The following RAB7A variants were observed in gnomAD, a reference collection of about 807,000 sequenced individuals.
The protein encoded by RAB7A is RAB7A, member RAS oncogene family, also known as ras-related protein Rab-7a.
Under a neutral mutation model 24.5 loss-of-function variants are expected in RAB7A, and 2 were observed. The observed-to-expected ratio is 0.08, with a 90% CI of 0.03 to 0.26. The LOEUF (loss-of-function observed/expected upper bound fraction) is 0.26, where lower values mean the gene tolerates loss of function less well. Ranked by LOEUF, RAB7A falls within the 10% of genes least tolerant of loss-of-function variation. The pLI is 1.00. For synonymous variants in RAB7A, 100 were observed against 95.9 expected (o/e 1.04, Z -0.25); for missense variants, 118 against 255.7 (o/e 0.46, Z 3.67).
intron 1 of RAB7A, among the ~76,000 whole-genome samples, chr3:128,790,732 A>G (rs890920057): frequency 6.6e-5 from 10 of 152,160 alleles, no homozygotes; most frequent in Admixed American, 6.5e-4. Flanking sequence ...CTATTCCAGC[A>G]CCCCACTGTT....
At chr3:128,809,136 ACTGT>A (rs772922469) in intron 5 of RAB7A, among the ~76,000 whole-genome samples, 2 of 152,344 alleles carry the variant, frequency 1.3e-5, no homozygotes, top group Non-Finnish European at 2.9e-5. Flanking sequence ...GCCTGGCATC[ACTGT>A]CTGAGTTTTT....
intron 1 of RAB7A, among the ~76,000 whole-genome samples, chr3:128,776,989 C>CG (rs1559790084): frequency 2.0e-5 from 3 of 148,458 alleles, no homozygotes; most frequent in Non-Finnish European, 4.5e-5. Context: ...CACACACACC[C>CG]CTATTAGTCA....
intron 1 of RAB7A, among the ~76,000 whole-genome samples, chr3:128,731,670 A>G (rs909132052): frequency 6.6e-6 from 1 of 152,080 alleles, no homozygotes; most frequent in Non-Finnish European, 1.5e-5. Flanking sequence ...CCTTTCCATT[A>G]TATGCTAGTG....
At chr3:128,807,831 T>C (rs1933837994) in intron 5 of RAB7A, among the ~76,000 whole-genome samples, 160 bp downstream of exon 5, 1 of 152,208 alleles carries the variant, frequency 6.6e-6, no homozygotes, top group Non-Finnish European at 1.5e-5. Context: ...CATGTTCTGC[T>C]TAAGCTTCCA....
At position 128,746,930 on chromosome 3, in the gene RAB7A, T is replaced by C. The variant is rs1240703265; in HGVS notation, c.-9+20571T>C. Among the ~76,000 whole-genome samples the C allele has an allele frequency of 7.2e-5, 11 of 151,924 alleles. No individual in the cohort carries two copies. In the East Asian group the frequency reaches 1.9e-3, roughly 27 times the overall value. On this transcript the variant is annotated intron_variant, in intron 1 of 5. Coordinates refer to ENST00000265062, the MANE Select transcript of RAB7A (RefSeq NM_004637.6). Reference sequence around the variant, plus strand: ...TAGTTAGCTTAACTTAATCATTCCATATTGTATACATATATCTAAACATCA... The same window carrying C: ...TAGTTAGCTTAACTTAATCATTCCACATTGTATACATATATCTAAACATCA...
intron 1 of RAB7A, among the ~76,000 whole-genome samples, chr3:128,765,775 T>TC (rs1356031009): frequency 9.9e-6 from 1 of 101,516 alleles, no homozygotes; most frequent in Non-Finnish European, 2.1e-5. Context: ...TTTTTTTTTT[T>TC]CCCGAGACAG....
chr3:128,801,110 A>G (rs886174406), intron 3 of RAB7A, among the ~76,000 whole-genome samples: 2 of 152,248 alleles, frequency 1.3e-5, no homozygotes, highest in African/African-American at 4.8e-5. Context: ...TTTGTATTTA[A>G]AGAAATAAGG....
chr3:128,734,192 G>C (rs2070467107), intron 1 of RAB7A, among the ~76,000 whole-genome samples: 1 of 152,140 alleles, frequency 6.6e-6, no homozygotes, highest in Non-Finnish European at 1.5e-5. Context: ...CACTTTGGGA[G>C]ACCGAGGTGG....
chr3:128,796,042 C>T (rs558937805), intron 2 of RAB7A, among the ~76,000 whole-genome samples: 10 of 152,092 alleles, frequency 6.6e-5, no homozygotes, highest in Non-Finnish European at 8.8e-5. Flanking sequence ...TGAGCCACCG[C>T]GCCCGACCCA....
At position 128,797,463 on chromosome 3, in the gene RAB7A, T is replaced by C. The variant is rs188983328; in HGVS notation, c.54-480T>C. Reference sequence around the variant, plus strand: ...TTTTTCTGCTTCAGATTTTAAACTTTAAAGCAGCAAATTGTCTGAGTGGTG... The same window carrying C: ...TTTTTCTGCTTCAGATTTTAAACTTCAAAGCAGCAAATTGTCTGAGTGGTG... On this transcript the variant is annotated intron_variant, in intron 2 of 5. Transcript: ENST00000265062. 1.5e-3 allele frequency among the ~76,000 whole-genome samples: 221 copies of C among 152,316 alleles called. 1 individual carries two copies. The highest frequency in any genetic ancestry group is 5.1e-3 in the African/African-American group (214 of 41,560).
Position 128,797,925 on chromosome 3 carries a change from G to T in RAB7A, c.54-18G>T. 6.2e-7 allele frequency: 1 copy of T among 1,612,566 alleles called. No homozygotes were observed. The highest frequency in any genetic ancestry group is 8.5e-7 in the Non-Finnish European group (1 of 1,178,848). Reference sequence around the variant, plus strand: ...CCCTCCTATTTGACTTATACTTATGGTTTTTCTCCAATTTCAGAGTCGGGA... The same window carrying T: ...CCCTCCTATTTGACTTATACTTATGTTTTTTCTCCAATTTCAGAGTCGGGA... On this transcript the variant is annotated intron_variant, in intron 2 of 5. Transcript: ENST00000265062.
chr3:128,730,599 G>A (rs939510232), intron 1 of RAB7A, among the ~76,000 whole-genome samples: 3 of 152,190 alleles, frequency 2.0e-5, no homozygotes, highest in African/African-American at 7.2e-5. Flanking sequence ...TAAAAGTGAT[G>A]TGGCGAGTGA....
rs201399896 is a variant in RAB7A at position 128,807,564 on chromosome 3, G to A, written c.421G>A (p.Ala141Thr). Residue 141 changes from alanine to threonine, a missense_variant, in exon 5 of 6, where the codon GCC (alanine) becomes ACC (threonine). This residue lies in a region of RAB7A where 52 missense variants were observed against 173.5 expected (regional missense o/e 0.30). Transcript: ENST00000265062. ...NRQVATKRAQAWCYSKNNIPY... is the reference protein window; with the variant it reads ...NRQVATKRAQTWCYSKNNIPY... Reference sequence around the variant, plus strand: ...TCAGGTGGCCACAAAGCGGGCACAGGCCTGGTGCTACAGCAAAAACAACAT... The same window carrying A: ...TCAGGTGGCCACAAAGCGGGCACAGACCTGGTGCTACAGCAAAAACAACAT... 1.2e-6 allele frequency: 2 copies of A among 1,614,166 alleles called. No homozygotes were observed. Among genetic ancestry groups the A allele is most frequent in the Admixed American group, 3.3e-5 (2 of 60,020 alleles).
chr3:128,745,743 GACATT>G (rs1207686323), intron 1 of RAB7A, among the ~76,000 whole-genome samples: 2 of 152,256 alleles, frequency 1.3e-5, no homozygotes, highest in African/African-American at 2.4e-5. Context: ...TCCAGGCTCT[GACATT>G]GCTCCAGGTG....
Position 128,737,381 on chromosome 3 carries a change from C to T in RAB7A, c.-9+11022C>T, listed in dbSNP as rs569478741. On this transcript the variant is annotated intron_variant, in intron 1 of 5. Coordinates refer to ENST00000265062, the MANE Select transcript of RAB7A (RefSeq NM_004637.6). ...TTTGAGATGGAGTCTCGCTCTGTCA[C>T]CCAGGCTGGAGTACAGTGACAGTGC... Among the ~76,000 whole-genome samples the T allele has an allele frequency of 7.4e-5, 11 of 148,696 alleles. No individual in the cohort carries two copies. In the East Asian group the frequency reaches 2.2e-3, roughly 29 times the overall value.
At chr3:128,761,350 A>G (rs1268983640) in intron 1 of RAB7A, among the ~76,000 whole-genome samples, 2 of 152,184 alleles carry the variant, frequency 1.3e-5, no homozygotes, top group African/African-American at 4.8e-5. Context: ...ATGGCAAACC[A>G]TAGTCAAAGT....
At chr3:128,777,537 CA>C (rs1933124677) in intron 1 of RAB7A, among the ~76,000 whole-genome samples, 1 of 152,146 alleles carries the variant, frequency 6.6e-6, no homozygotes, top group Non-Finnish European at 1.5e-5. Flanking sequence ...GACTGCCTTG[CA>C]AAACTCCTTA....
chr3:128,727,723 C>T (rs1171777733), intron 1 of RAB7A, among the ~76,000 whole-genome samples: 2 of 152,178 alleles, frequency 1.3e-5, no homozygotes, highest in Non-Finnish European at 2.9e-5. Context: ...CTTTGGTTTC[C>T]TAAAGAACGG....
intron 3 of RAB7A, chr3:128,798,894 C>A: frequency 3.3e-6 from 1 of 302,586 alleles, no homozygotes; most frequent in South Asian, 3.2e-5. Flanking sequence ...CTTCATGGTC[C>A]ATGATGCCAG....
Sources: allele counts gnomAD v4.1 joint callset (sites outside exome capture counted in the v4.1 genomes callset), GRCh38; gene constraint gnomAD v4.1.1; regional missense constraint gnomAD v4.1.1; transcripts MANE v1.5; gene names NCBI Gene and HGNC (gene_info 2026-07-23, HGNC 2026-07-21).